Variants in BFSP2 observed in about 807,000 individuals in gnomAD.
The protein encoded by BFSP2 is phakinin.
BFSP2 carries 38 observed loss-of-function variants against 44.9 expected under a neutral mutation model. The observed-to-expected ratio is 0.85, with a 90% confidence interval of 0.65 to 1.11. The LOEUF is 1.11. BFSP2 is among the 50% of genes least tolerant of loss of function. BFSP2 has a pLI of 0.00. For synonymous variants in BFSP2, 197 were observed against 209.9 expected (o/e 0.94, Z 0.53); for missense variants, 525 against 533.0 (o/e 0.99, Z 0.15).
At chr3:133,406,114 C>CT (rs1448678799) in intron 1 of BFSP2, among the ~76,000 whole-genome samples, 2,537 of 117,748 alleles carry the variant, frequency 0.022, 74 homozygotes, top group African/African-American at 0.067. Flanking sequence ...CCATATCCAG[C>CT]TATTTTTTTT....
intron 1 of BFSP2, among the ~76,000 whole-genome samples, chr3:133,437,632 AGAAAG>A (rs1216529781): frequency 8.0e-5 from 9 of 112,042 alleles, no homozygotes; most frequent in East Asian, 5.1e-4. Flanking sequence ...AAAGAGAAAA[AGAAAG>A]AAGAGAGAGA....
chr3:133,411,722 A>T (rs1388408739), intron 1 of BFSP2, among the ~76,000 whole-genome samples: 1 of 1,498 alleles, frequency 6.7e-4, no homozygotes, highest in Non-Finnish European at 1.8e-3. Context: ...ATATTTAGAC[A>T]ACTAGACAGT....
intron 4 of BFSP2, 74 bp downstream of exon 4, chr3:133,450,538 T>C (rs936640042): frequency 2.8e-4 from 433 of 1,548,468 alleles, no homozygotes; most frequent in Admixed American, 6.7e-5. Context: ...AACTAGTCAA[T>C]GTGCAGACGA....
chr3:133,406,919 A>T (rs1467659010), intron 1 of BFSP2, among the ~76,000 whole-genome samples: 2 of 152,202 alleles, frequency 1.3e-5, no homozygotes, highest in Admixed American at 1.3e-4. Context: ...ATCAAAAAGC[A>T]ATGCTGAGGC....
intron 1 of BFSP2, among the ~76,000 whole-genome samples, chr3:133,443,489 G>C (rs2073864995): frequency 6.6e-6 from 1 of 152,226 alleles, no homozygotes; most frequent in Non-Finnish European, 1.5e-5. Flanking sequence ...AGTCCAGAGA[G>C]AGTGGTGTCA....
intron 1 of BFSP2, among the ~76,000 whole-genome samples, chr3:133,423,073 T>G (rs571145207): frequency 2.0e-5 from 3 of 152,296 alleles, no homozygotes; most frequent in African/African-American, 7.2e-5. Flanking sequence ...ATAGTCTGAT[T>G]ATTTCTGAAC....
In BFSP2 at chr3:133,414,575, CCTCTCTA is replaced by C. The variant is rs1403980005; in HGVS notation, c.489+14007_489+14013del. Among the ~76,000 whole-genome samples the C allele has an allele frequency of 1.1e-4, 12 of 109,482 alleles. No homozygotes were observed. The East Asian group carries it at 4.0e-3, about 37-fold the overall frequency. 71.8% of individuals were successfully genotyped at this position (109,482 alleles called of 152,430 possible). ...TACTCACCCCTGCCCTCTCCCCTCTCCTCTCTACTCAGCCCTGTCCTCTCCCCTCTAC... is the reference window on the plus strand; with the variant it reads ...TACTCACCCCTGCCCTCTCCCCTCTCCTCAGCCCTGTCCTCTCCCCTCTAC... On this transcript the variant is annotated intron_variant, in intron 1 of 6. Coordinates refer to ENST00000302334, the MANE Select transcript of BFSP2 (RefSeq NM_003571.4).
At chr3:133,422,853 C>T (rs57009232) in intron 1 of BFSP2, among the ~76,000 whole-genome samples, 2,227 of 151,714 alleles carry the variant, frequency 0.015, 43 homozygotes, top group East Asian at 0.055. Flanking sequence ...GCAAAGCCAA[C>T]GCCTCACCCA....
intron 1 of BFSP2, among the ~76,000 whole-genome samples, chr3:133,443,590 G>C (rs114135084): frequency 6.6e-6 from 1 of 152,154 alleles, no homozygotes; most frequent in African/African-American, 2.4e-5. Flanking sequence ...TTGGTAATAC[G>C]GTGGCCTTGT....
At chr3:133,428,751 T>C (rs1434758432) in intron 1 of BFSP2, among the ~76,000 whole-genome samples, 1 of 152,216 alleles carries the variant, frequency 6.6e-6, no homozygotes, top group Non-Finnish European at 1.5e-5. Flanking sequence ...TGCGTCCACA[T>C]GACCTCTGCA....
intron 1 of BFSP2, among the ~76,000 whole-genome samples, chr3:133,442,981 C>T (rs1276492085): frequency 1.3e-5 from 2 of 151,950 alleles, no homozygotes; most frequent in Non-Finnish European, 2.9e-5. Context: ...CCTCAGCCTC[C>T]TAAATAGCTG....
intron 1 of BFSP2, among the ~76,000 whole-genome samples, chr3:133,406,053 C>T (rs887581683): frequency 3.3e-5 from 5 of 152,112 alleles, no homozygotes; most frequent in Admixed American, 2.6e-4. Flanking sequence ...CGGGTTTAAG[C>T]GATTCTCCTG....
At chr3:133,427,298 T>C (rs910632118) in intron 1 of BFSP2, among the ~76,000 whole-genome samples, 7 of 152,214 alleles carry the variant, frequency 4.6e-5, no homozygotes, top group African/African-American at 4.8e-5. Flanking sequence ...ACCCAGCATG[T>C]TCTCCGTAGC....
chr3:133,425,582 T>C (rs560340850), intron 1 of BFSP2, among the ~76,000 whole-genome samples: 2 of 152,170 alleles, frequency 1.3e-5, no homozygotes, highest in Admixed American at 6.5e-5. Flanking sequence ...ACTCAGGAAA[T>C]AGAATGTCCA....
chr3:133,440,441 G>A, intron 1 of BFSP2, among the ~76,000 whole-genome samples: 1 of 152,180 alleles, frequency 6.6e-6, no homozygotes, highest in East Asian at 1.9e-4. Context: ...AGAAAATTAA[G>A]CCCTAAAGGG....
At chr3:133,456,781 C>A (rs1162999869) in intron 4 of BFSP2, among the ~76,000 whole-genome samples, 1 of 152,058 alleles carries the variant, frequency 6.6e-6, no homozygotes, top group African/African-American at 2.4e-5. Flanking sequence ...AGCTGAGGAA[C>A]TAACTTTTAA....
At chr3:133,417,910 A>C (rs1204400911) in intron 1 of BFSP2, among the ~76,000 whole-genome samples, 29 of 54,570 alleles carry the variant, frequency 5.3e-4, no homozygotes, top group Non-Finnish European at 6.6e-4. Flanking sequence ...CCCTCTACTC[A>C]CCCCTGCCAT....
intron 5 of BFSP2, among the ~76,000 whole-genome samples, chr3:133,469,664 T>G (rs2074144155): frequency 6.6e-6 from 1 of 152,248 alleles, no homozygotes; most frequent in African/African-American, 2.4e-5. Flanking sequence ...ACTGAGCCAG[T>G]GTACTTGCCT....
intron 1 of BFSP2, among the ~76,000 whole-genome samples, chr3:133,407,823 G>A (rs2073416816): frequency 6.6e-6 from 1 of 152,102 alleles, no homozygotes; most frequent in Non-Finnish European, 1.5e-5. Flanking sequence ...CAACTAGATA[G>A]TCATAAGGAA....
Sources: allele counts gnomAD v4.1 joint callset (sites outside exome capture counted in the v4.1 genomes callset), GRCh38; gene constraint gnomAD v4.1.1; transcripts MANE v1.5; gene names NCBI Gene and HGNC (gene_info 2026-07-23, HGNC 2026-07-21).